LRRC36: variants seen among roughly 807,000 people sequenced by gnomAD.
LRRC36 encodes leucine rich repeat containing 36, also known as leucine-rich repeat-containing protein 36.
LRRC36 carries 62 observed loss-of-function variants against 81.1 expected under a neutral mutation model. That is an observed-to-expected ratio of 0.76 (90% CI 0.62 to 0.94). LRRC36 has a LOEUF of 0.94. Ranked by LOEUF, LRRC36 falls within the 40% of genes least tolerant of loss-of-function variation. LRRC36 has a pLI of 0.00. For missense variants in LRRC36, 761 were observed against 881.7 expected (o/e 0.86, Z 1.73); for synonymous variants, 334 against 348.6 (o/e 0.96, Z 0.47).
intron 12 of LRRC36, among the ~76,000 whole-genome samples, chr16:67,381,831 C>G (rs945829428): frequency 3.3e-5 from 5 of 152,172 alleles, no homozygotes; most frequent in Admixed American, 2.0e-4. Context: ...CTTGGCCAGG[C>G]TGGTCCTGAA....
At position 67,370,946 on chromosome 16, in the gene LRRC36, C is replaced by G; in HGVS notation, c.1198C>G (p.Leu400Val). 6.2e-7 allele frequency: 1 copy of G among 1,611,434 alleles called. No individual in the cohort carries two copies. Among genetic ancestry groups the G allele is most frequent in the Non-Finnish European group, 8.5e-7 (1 of 1,177,876 alleles). ...TGRLLKLSSD[L>V]YATTHFNSDP... ...CTGTTAGCCTGTTTCCTCCACAGAT[C>G]TGTATGCCACAACCCATTTCAACAG... The change falls in exon 9 of 14, where the codon CTG becomes GTG. Residue 400 changes from leucine (L) to valine (V), a missense_variant and splice_region_variant. Physicochemically the swap from Leu to Val is conservative, Grantham distance 32 (BLOSUM62 1). This residue lies in a region of LRRC36 where 139 missense variants were observed against 214.0 expected (regional missense o/e 0.65). Transcript: ENST00000329956.
intron 9 of LRRC36, among the ~76,000 whole-genome samples, chr16:67,374,917 G>C (rs2039821011): frequency 6.6e-6 from 1 of 151,548 alleles, no homozygotes; most frequent in African/African-American, 2.4e-5. Context: ...CGATCACAAG[G>C]TCAGGAGTTG....
intron 7 of LRRC36, 117 bp downstream of exon 7, chr16:67,365,472 T>A (rs1266617152): frequency 1.5e-5 from 13 of 846,594 alleles, no homozygotes; most frequent in Non-Finnish European, 1.9e-6. Context: ...TCAACTAATT[T>A]CTGCTTTTGT....
chr16:67,368,031 G>A (rs2039480349), intron 8 of LRRC36, among the ~76,000 whole-genome samples: 1 of 152,132 alleles, frequency 6.6e-6, no homozygotes, highest in African/African-American at 2.4e-5. Flanking sequence ...TGCACTCCAT[G>A]GGCAACAGAG....
At chr16:67,379,644 G>C (rs1360739239) in intron 12 of LRRC36, among the ~76,000 whole-genome samples, 1 of 152,132 alleles carries the variant, frequency 6.6e-6, no homozygotes, top group East Asian at 1.9e-4. Context: ...TTGAACCCAG[G>C]AGGCAGAGGT....
intron 1 of LRRC36, among the ~76,000 whole-genome samples, chr16:67,340,379 C>T (rs1440478692): frequency 1.3e-5 from 2 of 151,968 alleles, no homozygotes; most frequent in Middle Eastern, 3.2e-3. Flanking sequence ...AGTTGATGCC[C>T]AGGCTCAGTG....
intron 1 of LRRC36, among the ~76,000 whole-genome samples, chr16:67,340,769 CCACA>C (rs2037998093): frequency 6.8e-6 from 1 of 145,992 alleles, no homozygotes; most frequent in African/African-American, 2.6e-5. Flanking sequence ...AGAATATATA[CCACA>C]TATACTCTAT....
chr16:67,381,630 T>A (rs1426850965), intron 12 of LRRC36, among the ~76,000 whole-genome samples: 2 of 152,184 alleles, frequency 1.3e-5, no homozygotes, highest in Non-Finnish European at 2.9e-5. Context: ...TATTTTTTTT[T>A]TTGAGACGGA....
At chr16:67,370,372 T>C (rs903320073) in intron 8 of LRRC36, among the ~76,000 whole-genome samples, 4 of 152,150 alleles carry the variant, frequency 2.6e-5, no homozygotes, top group Admixed American at 6.5e-5. Flanking sequence ...CCGGGCACAG[T>C]GGCTCACACC....
intron 12 of LRRC36, 122 bp downstream of exon 12, chr16:67,378,834 A>G: frequency 9.5e-7 from 1 of 1,056,290 alleles, no homozygotes; most frequent in South Asian, 1.7e-5. Flanking sequence ...CTTGGTCATC[A>G]GTTTTCCTGG....
chr16:67,343,289 C>T (rs1024770805), intron 2 of LRRC36, among the ~76,000 whole-genome samples: 2 of 152,184 alleles, frequency 1.3e-5, no homozygotes, highest in South Asian at 2.1e-4. Context: ...GGGCTGGGCA[C>T]GGTGACTCAC....
rs146503159 is a variant in LRRC36 at position 67,350,022 on chromosome 16, A to G, written c.489-180A>G. ...GTGATCCACCCGCCTCGGCCTCCCA[A>G]AGTGCTGGGATTACAGGGGTGAGCC... is the stretch of plus-strand genomic sequence containing the variant. On this transcript the variant is annotated intron_variant, in intron 4 of 13. Transcript: ENST00000329956. 8.5e-4 allele frequency among the ~76,000 whole-genome samples: 130 copies of G among 152,308 alleles called. 6 individuals are homozygous for G. The East Asian group carries it at 0.023, about 26-fold the overall frequency.
At chr16:67,364,077 A>G in intron 6 of LRRC36, among the ~76,000 whole-genome samples, 1 of 152,072 alleles carries the variant, frequency 6.6e-6, no homozygotes. Flanking sequence ...TGCTTCTTAC[A>G]TTTTCTACCT....
chr16:67,342,323 G>A (rs1356870396), intron 2 of LRRC36, among the ~76,000 whole-genome samples: 1 of 152,146 alleles, frequency 6.6e-6, no homozygotes, highest in Non-Finnish European at 1.5e-5. Flanking sequence ...AGATATCACT[G>A]TCTAGGGCAA....
chr16:67,355,532 G>A (rs1244615768), intron 5 of LRRC36, among the ~76,000 whole-genome samples: 1 of 150,988 alleles, frequency 6.6e-6, no homozygotes, highest in South Asian at 2.1e-4. Flanking sequence ...CCGCCACTAC[G>A]CCCGGCTAAT....
intron 5 of LRRC36, chr16:67,362,037 C>T: frequency 3.4e-6 from 1 of 294,508 alleles, no homozygotes; most frequent in South Asian, 2.6e-5. Context: ...TCTAAACCAG[C>T]CTGGGCAACA....
Position 67,367,412 on chromosome 16 carries a change from T to TCAAACCCTGA in LRRC36, c.1152_1161dup (p.Ser388LysfsTer3). On this transcript the variant is annotated frameshift_variant, in exon 8 of 14. Coordinates refer to ENST00000329956, the MANE Select transcript of LRRC36 (RefSeq NM_018296.6). LOFTEE classifies it high-confidence loss of function. ...CTGTGGAGACTTATTAACTTCTCTG[T>TCAAACCCTGA]CAAACCCTGACTCCAGCACTGGAAG... 1 of 1,613,938 alleles carries TCAAACCCTGA rather than the reference T, an allele frequency of 6.2e-7. No individual in the cohort carries two copies. Among genetic ancestry groups the TCAAACCCTGA allele is most frequent in the Non-Finnish European group, 8.5e-7 (1 of 1,179,822 alleles).
At chr16:67,363,479 A>G in intron 5 of LRRC36, 111 bp from the exon 6 acceptor site, 1 of 1,033,446 alleles carries the variant, frequency 9.7e-7, no homozygotes, top group Non-Finnish European at 1.4e-6. Context: ...TGGTGGCACC[A>G]GAACTAGCAC....
At chr16:67,334,378 G>A (rs1035980353) in intron 1 of LRRC36, among the ~76,000 whole-genome samples, 4 of 151,444 alleles carry the variant, frequency 2.6e-5, no homozygotes, top group African/African-American at 9.7e-5. Context: ...AGGCTGGAAT[G>A]CAGTGGCACG....
Sources: allele counts gnomAD v4.1 joint callset (sites outside exome capture counted in the v4.1 genomes callset), GRCh38; gene constraint gnomAD v4.1.1; regional missense constraint gnomAD v4.1.1; transcripts MANE v1.5; gene names NCBI Gene and HGNC (gene_info 2026-07-23, HGNC 2026-07-21).